Variants in TMEM181 observed in about 807,000 individuals in gnomAD.
The protein encoded by TMEM181 is transmembrane protein 181.
Under a neutral mutation model 71.9 loss-of-function variants are expected in TMEM181, and 39 were observed. The ratio of observed to expected loss-of-function variants is 0.54; its 90% CI spans 0.42 to 0.71. TMEM181 has a LOEUF of 0.71. Ranked by LOEUF, TMEM181 falls within the 30% of genes least tolerant of loss-of-function variation. TMEM181 has a pLI of 0.00. For missense variants in TMEM181, 595 were observed against 583.0 expected, an observed-to-expected ratio of 1.02 and a Z score of -0.21; for synonymous variants, 245 against 228.8, an observed-to-expected ratio of 1.07 and a Z score of -0.64.
intron 2 of TMEM181, among the ~76,000 whole-genome samples, chr6:158,577,463 C>T (rs1401708769): frequency 6.6e-6 from 1 of 152,052 alleles, no homozygotes; most frequent in African/African-American, 2.4e-5. Context: ...GGGACACTAT[C>T]AAATGGACCA....
chr6:158,595,057 T>A (rs1256746438), intron 6 of TMEM181, among the ~76,000 whole-genome samples: 1 of 152,244 alleles, frequency 6.6e-6, no homozygotes, highest in Non-Finnish European at 1.5e-5. Context: ...ATGCCTTTTC[T>A]TAGAGAGTGA....
At chr6:158,625,634 T>C (rs1004143814) in intron 12 of TMEM181, 69 bp from the exon 13 acceptor site, 174 of 1,440,958 alleles carry the variant, frequency 1.2e-4, no homozygotes, top group Non-Finnish European at 1.3e-4. Flanking sequence ...TTTTTGTTTT[T>C]TATTTTTCAA....
intron 5 of TMEM181, 70 bp downstream of exon 5, chr6:158,585,495 C>G (rs116646542): frequency 1.5e-6 from 2 of 1,358,358 alleles, no homozygotes; most frequent in African/African-American, 1.5e-5. Flanking sequence ...GAGCCACTTT[C>G]CAGTCTAAAA....
chr6:158,584,143 G>A (rs2128301332), intron 4 of TMEM181, 99 bp downstream of exon 4: 5 of 992,952 alleles, frequency 5.0e-6, no homozygotes, highest in Middle Eastern at 2.9e-4. Flanking sequence ...AGTGCTCAAA[G>A]ATAGATGTAT....
At chr6:158,598,950 C>T (rs908538138) in intron 6 of TMEM181, among the ~76,000 whole-genome samples, 2 of 152,164 alleles carry the variant, frequency 1.3e-5, no homozygotes, top group African/African-American at 2.4e-5. Flanking sequence ...CGTGAGCCAC[C>T]GCACCCGGCC....
intron 1 of TMEM181, among the ~76,000 whole-genome samples, chr6:158,540,819 G>A (rs1033626697): frequency 6.6e-6 from 1 of 152,146 alleles, no homozygotes; most frequent in African/African-American, 2.4e-5. Flanking sequence ...CAAGGCTGGA[G>A]TGCAGTGGTG....
At chr6:158,625,982 T>G (rs1022453870) in intron 13 of TMEM181, among the ~76,000 whole-genome samples, 1 of 152,194 alleles carries the variant, frequency 6.6e-6, no homozygotes, top group Non-Finnish European at 1.5e-5. Flanking sequence ...ACTTGCACAC[T>G]CGGCCCGCGC....
intron 10 of TMEM181, among the ~76,000 whole-genome samples, chr6:158,611,915 C>T (rs1481455827): frequency 6.6e-6 from 1 of 151,984 alleles, no homozygotes; most frequent in Non-Finnish European, 1.5e-5. Context: ...CTTCGCCTTG[C>T]TTATCTGGGA....
chr6:158,589,400 A>T (rs984436968), intron 5 of TMEM181, among the ~76,000 whole-genome samples: 1 of 152,194 alleles, frequency 6.6e-6, no homozygotes, highest in Admixed American at 6.5e-5. Context: ...TGCACTGTTA[A>T]CTTTCTTACA....
intron 4 of TMEM181, among the ~76,000 whole-genome samples, chr6:158,584,582 T>G (rs1783661214): frequency 6.6e-6 from 1 of 152,330 alleles, no homozygotes; most frequent in African/African-American, 2.4e-5. Flanking sequence ...CTTCTGTCAG[T>G]CTACAGTGGC....
At chr6:158,548,102 T>C (rs2128280167) in intron 1 of TMEM181, among the ~76,000 whole-genome samples, 1 of 152,244 alleles carries the variant, frequency 6.6e-6, no homozygotes, top group South Asian at 2.1e-4. Flanking sequence ...TAACATCACC[T>C]GGATGTGTAG....
At chr6:158,629,911 G>A in intron 15 of TMEM181, 92 bp downstream of exon 15, 4 of 1,037,618 alleles carry the variant, frequency 3.9e-6, no homozygotes, top group Admixed American at 3.6e-5. Flanking sequence ...TCCCATTCAT[G>A]TGGGCGCTGT....
intron 3 of TMEM181, among the ~76,000 whole-genome samples, chr6:158,583,400 T>C (rs984276321): frequency 1.2e-4 from 19 of 152,292 alleles, no homozygotes; most frequent in Admixed American, 1.0e-3. Context: ...AGGGTCCCAG[T>C]GTGAAAAATG....
intron 1 of TMEM181, among the ~76,000 whole-genome samples, chr6:158,538,378 C>G (rs1781211115): frequency 6.6e-6 from 1 of 151,804 alleles, no homozygotes; most frequent in Admixed American, 6.6e-5. Context: ...TGGTCTCAAA[C>G]TCCTGGGCTC....
intron 2 of TMEM181, among the ~76,000 whole-genome samples, chr6:158,576,004 A>G (rs557082457): frequency 6.6e-6 from 1 of 152,332 alleles, no homozygotes; most frequent in South Asian, 2.1e-4. Context: ...CTCTAAAGAA[A>G]TGCATTGTAA....
chr6:158,577,807 T>C (rs533699430), intron 2 of TMEM181, among the ~76,000 whole-genome samples: 45 of 152,278 alleles, frequency 3.0e-4, no homozygotes, highest in African/African-American at 1.1e-3. Context: ...AAGAAAACTG[T>C]TGGCCGGGTG....
rs756775816 is a variant in TMEM181 at position 158,633,535 on chromosome 6, C to T, written c.*1647C>T. Reference sequence around the variant, plus strand: ...AGCAGTACCTACTTTTTTTCTTCATCTATGCATTGACTCTCAGATTACCAT... The same window carrying T: ...AGCAGTACCTACTTTTTTTCTTCATTTATGCATTGACTCTCAGATTACCAT... On this transcript the variant is annotated 3_prime_UTR_variant, in exon 17 of 17. Coordinates refer to ENST00000684151, the MANE Select transcript of TMEM181 (RefSeq NM_001376852.1). The T allele has an allele frequency of 6.6e-6, 1 of 152,194 alleles. No individual in the cohort carries two copies. The highest frequency in any genetic ancestry group is 2.4e-5 in the African/African-American group (1 of 41,440). 9.4% of individuals were successfully genotyped at this position (152,194 alleles called of 1,614,324 possible). A position where few individuals can be genotyped will look rare whatever the true frequency, so the allele number is the denominator to read the frequency against.
intron 1 of TMEM181, among the ~76,000 whole-genome samples, chr6:158,562,948 C>G (rs1782269973): frequency 6.6e-6 from 1 of 152,178 alleles, no homozygotes; most frequent in Non-Finnish European, 1.5e-5. Context: ...TTTTTCAAGG[C>G]TTTAGAGCTG....
rs111960850 is a variant in TMEM181, at chr6:158,592,728, G to A, written c.492+2946G>A. On this transcript the variant is annotated intron_variant, in intron 6 of 16. Transcript: ENST00000684151. ...TTCAAACTCCTGAACTCAGGTAATC[G>A]GCCTAGCTGAGACCCCCATCTCTAA... 2.2e-3 allele frequency among the ~76,000 whole-genome samples: 338 copies of A among 151,996 alleles called. 3 individuals carry two copies. Among genetic ancestry groups the A allele is most frequent in the African/African-American group, 7.5e-3 (309 of 41,456 alleles).
Sources: allele counts gnomAD v4.1 joint callset (sites outside exome capture counted in the v4.1 genomes callset), GRCh38; gene constraint gnomAD v4.1.1; transcripts MANE v1.5; gene names NCBI Gene and HGNC (gene_info 2026-07-23, HGNC 2026-07-21).